The following NXN variants were observed in gnomAD, a reference collection of about 807,000 sequenced individuals.
NXN encodes the protein nucleoredoxin 1.
NXN carries 16 observed loss-of-function variants against 48.6 expected under a neutral mutation model. That is an observed-to-expected ratio of 0.33 (90% confidence interval 0.22 to 0.50). The LOEUF (loss-of-function observed/expected upper bound fraction) is 0.50. NXN is among the 20% of genes least tolerant of loss of function. The pLI, the probability that NXN is intolerant of heterozygous loss-of-function variation, is 0.98. For synonymous variants in NXN, 281 were observed against 269.6 expected (o/e 1.04, Z -0.41); for missense variants, 492 against 605.5 (o/e 0.81, Z 1.97).
chr17:805,020 T>G, intron 6 of NXN, 48 bp downstream of exon 6: 4 of 1,512,868 alleles, frequency 2.6e-6, no homozygotes, highest in Non-Finnish European at 2.7e-6. Context: ...GCCCCTCCTG[T>G]CCCGCCCCCC....
At position 825,700 on chromosome 17, in the gene NXN, G is replaced by A. The variant is rs1025739293; in HGVS notation, c.478+261C>T. The A allele has an allele frequency of 1.6e-4, 60 of 378,022 alleles. 1 individual carries two copies. The highest frequency in any genetic ancestry group is 1.3e-3 in the South Asian group (29 of 23,198). The allele number at this position is 378,022 out of a possible 1,614,324, so 23.4% of individuals were successfully genotyped here. A position where few individuals can be genotyped will look rare whatever the true frequency, so the allele number is the denominator to read the frequency against. On this transcript the variant is annotated intron_variant, in intron 2 of 7. Transcript: ENST00000336868. This position sits in a 1 kb window ranked among gnomAD's most constrained non-coding sequence, Gnocchi z 4.1. ...CCACAGCCTCTGCGGCCCTCCAAGC[G>A]GAGCTTCTTACGGCAGAGTCCATCT... is the stretch of plus-strand genomic sequence containing the variant.
chr17:939,519 TA>T (rs2068946006), intron 1 of NXN, among the ~76,000 whole-genome samples: 1 of 152,074 alleles, frequency 6.6e-6, no homozygotes, highest in Admixed American at 6.6e-5. Flanking sequence ...TTAATTCCTA[TA>T]TTTTTAGTAG....
rs1911622871 is a variant in NXN at position 807,411 on chromosome 17, G to A, written c.821-2164C>T. On this transcript the variant is annotated intron_variant, in intron 5 of 7. Coordinates refer to ENST00000336868, the MANE Select transcript of NXN (RefSeq NM_022463.5). ...CTGTGGAAGAGAGGCAGGCACGGGG[G>A]ACGGGGAGGGAGGAGAAGCCAACCT... Among the ~76,000 whole-genome samples, 3 of 152,240 alleles carry A rather than the reference G, an allele frequency of 2.0e-5. No homozygotes were observed. In the South Asian group the frequency reaches 6.2e-4, roughly 31 times the overall value.
rs1301132961 is a variant in NXN at position 841,551 on chromosome 17, G to A, written c.361-15473C>T. Among the ~76,000 whole-genome samples the A allele has an allele frequency of 3.4e-3, 312 of 91,936 alleles. 15 individuals carry two copies. The highest frequency in any genetic ancestry group is 8.6e-3 in the East Asian group (26 of 3,024). The allele number at this position is 91,936 out of a possible 152,430, so 60.3% of individuals were successfully genotyped here. A position where few individuals can be genotyped will look rare whatever the true frequency, so the allele number is the denominator to read the frequency against. ...CGACCATGGAGCATCTCACGCCGGCGAGCAGGTCCCCCCTGACCACGGAGC... is the reference window on the plus strand; with the variant it reads ...CGACCATGGAGCATCTCACGCCGGCAAGCAGGTCCCCCCTGACCACGGAGC... On this transcript the variant is annotated intron_variant, in intron 1 of 7. Coordinates refer to ENST00000336868, the MANE Select transcript of NXN (RefSeq NM_022463.5).
intron 1 of NXN, among the ~76,000 whole-genome samples, chr17:937,974 C>G (rs2150602932): frequency 6.6e-6 from 1 of 152,350 alleles, no homozygotes; most frequent in Middle Eastern, 3.4e-3. Flanking sequence ...GCGCAGGGGC[C>G]GTCGCTGAAG....
intron 1 of NXN, among the ~76,000 whole-genome samples, chr17:975,718 C>T (rs2150646235): frequency 6.6e-6 from 1 of 152,316 alleles, no homozygotes; most frequent in Non-Finnish European, 1.5e-5. Flanking sequence ...GGCATCCAGC[C>T]CAGACAAAGT....
intron 1 of NXN, among the ~76,000 whole-genome samples, chr17:930,864 C>A (rs1445846174): frequency 6.6e-6 from 1 of 151,502 alleles, no homozygotes; most frequent in African/African-American, 2.4e-5. Context: ...CTCTGCCTCC[C>A]GGGTTCAAGT....
At chr17:855,264 C>T (rs770088435) in intron 1 of NXN, among the ~76,000 whole-genome samples, 24 of 152,072 alleles carry the variant, frequency 1.6e-4, no homozygotes, top group Admixed American at 1.1e-3. Flanking sequence ...AGCTACAGAG[C>T]GAGACGTTAT....
At chr17:957,875 A>G (rs2069189461) in intron 1 of NXN, among the ~76,000 whole-genome samples, 1 of 152,118 alleles carries the variant, frequency 6.6e-6, no homozygotes, top group Admixed American at 6.5e-5. Flanking sequence ...TCAGCTTCTC[A>G]GTCTTCACAC....
intron 1 of NXN, among the ~76,000 whole-genome samples, chr17:851,680 C>G (rs1216368084): frequency 6.6e-6 from 1 of 152,226 alleles, no homozygotes; most frequent in Non-Finnish European, 1.5e-5. Context: ...GCCCTCCTCA[C>G]TCCGATGCTT....
intron 1 of NXN, among the ~76,000 whole-genome samples, chr17:836,908 C>A (rs772838230): frequency 6.6e-6 from 1 of 152,224 alleles, no homozygotes; most frequent in African/African-American, 2.4e-5. Flanking sequence ...CCTCCCACCT[C>A]AGCCTCCCAG....
At position 853,723 on chromosome 17, in the gene NXN, A is replaced by ATATATATATATATATATAT. The variant is rs1491528474; in HGVS notation, c.361-27646_361-27645insATATATATATATATATATA. On this transcript the variant is annotated intron_variant, in intron 1 of 7. Transcript: ENST00000336868. ...TACACATATATATATATATATATAT[A>ATATATATATATATATATAT]TTTTTTTTTTTTTTTCCAAGACGGA... 3.3e-4 allele frequency among the ~76,000 whole-genome samples: 35 copies of ATATATATATATATATATAT among 105,966 alleles called. 1 individual carries two copies. The highest frequency in any genetic ancestry group is 6.6e-4 in the South Asian group (2 of 3,022). The allele number at this position is 105,966 out of a possible 152,430, so 69.5% of individuals were successfully genotyped here.
In NXN at chr17:812,583, G is replaced by A. The variant is rs115707866; in HGVS notation, c.820+6856C>T. ...TGTGTGTGTGAGTCTGTGTGTGCAC[G>A]TGTGTGTGATGGCGCGAGTGTGCAT... On this transcript the variant is annotated intron_variant, in intron 5 of 7. Transcript: ENST00000336868. 7.8e-3 allele frequency among the ~76,000 whole-genome samples: 1,180 copies of A among 151,992 alleles called. 16 individuals carry two copies. Among genetic ancestry groups the A allele is most frequent in the African/African-American group, 0.021 (865 of 41,416 alleles).
At chr17:832,407 C>T (rs983978062) in intron 1 of NXN, among the ~76,000 whole-genome samples, 2 of 151,252 alleles carry the variant, frequency 1.3e-5, no homozygotes, top group East Asian at 2.0e-4. Context: ...AGGATGGTCT[C>T]GATCTCCTGA....
chr17:969,084 G>T (rs2069341608), intron 1 of NXN, among the ~76,000 whole-genome samples: 1 of 152,148 alleles, frequency 6.6e-6, no homozygotes, highest in South Asian at 2.1e-4. Flanking sequence ...AGGTAAAAAG[G>T]CTGAATTCCT....
At chr17:801,321 A>C (rs1211698777) in intron 7 of NXN, among the ~76,000 whole-genome samples, 190 bp from the exon 8 acceptor site, 2 of 152,092 alleles carry the variant, frequency 1.3e-5, no homozygotes, top group Non-Finnish European at 2.9e-5. Context: ...CTGCTTTGTA[A>C]AATTCTCTCT....
chr17:820,191 C>T (rs1449872672), intron 4 of NXN, among the ~76,000 whole-genome samples: 1 of 152,158 alleles, frequency 6.6e-6, no homozygotes, highest in Non-Finnish European at 1.5e-5. Context: ...ACCTTTGTTC[C>T]GTGCCTTGTC....
At chr17:889,719 GAA>G (rs1567850238) in intron 1 of NXN, among the ~76,000 whole-genome samples, 5 of 54,458 alleles carry the variant, frequency 9.2e-5, no homozygotes, top group South Asian at 6.4e-4. Flanking sequence ...AAGAAAGAAA[GAA>G]AGAAAGAAAG....
intron 1 of NXN, among the ~76,000 whole-genome samples, chr17:953,284 T>C (rs192258066): frequency 6.6e-6 from 1 of 151,882 alleles, no homozygotes; most frequent in Non-Finnish European, 1.5e-5. Context: ...GCATGGTGGC[T>C]CACGCCTGTA....
Sources: gnomAD v4.1 joint callset for allele counts (sites outside exome capture counted in the v4.1 genomes callset) on GRCh38, gnomAD v4.1.1 for gene constraint, Gnocchi (gnomAD v3.1) non-coding constraint, MANE v1.5 for transcripts, NCBI Gene and HGNC (gene_info 2026-07-23, HGNC 2026-07-21) for gene names.